Variants in XRRA1 observed in about 807,000 individuals in gnomAD.
XRRA1 encodes the protein X-ray radiation resistance-associated protein 1.
Under a neutral mutation model 80.2 loss-of-function variants are expected in XRRA1, and 69 were observed. That is an observed-to-expected ratio of 0.86 (90% CI 0.71 to 1.05). The LOEUF (loss-of-function observed/expected upper bound fraction) is 1.05, where lower values mean the gene tolerates loss of function less well. Among genes scored for constraint, XRRA1 ranks in the 50% least tolerant of loss-of-function variants. The pLI is 0.00. For synonymous variants in XRRA1, 348 were observed against 389.9 expected, an observed-to-expected ratio of 0.89 and a Z score of 1.27; for missense variants, 967 against 976.4, an observed-to-expected ratio of 0.99 and a Z score of 0.13.
intron 11 of XRRA1, among the ~76,000 whole-genome samples, chr11:74,862,607 G>A (rs1431582590): frequency 2.6e-5 from 4 of 152,202 alleles, no homozygotes; most frequent in Non-Finnish European, 5.9e-5. Flanking sequence ...TCCAGCTTTG[G>A]GGGACTCTTG....
intron 8 of XRRA1, chr11:74,920,007 A>C (rs1217885246): frequency 0.017 from 536 of 32,332 alleles, 7 homozygotes; most frequent in Middle Eastern, 0.15. Flanking sequence ...ATAAAACTGC[A>C]AAAAAAAAAA....
At chr11:74,891,352 A>G (rs2050641689) in intron 10 of XRRA1, among the ~76,000 whole-genome samples, 2 of 152,224 alleles carry the variant, frequency 1.3e-5, no homozygotes, top group Non-Finnish European at 2.9e-5. Context: ...AAAATTCAAC[A>G]GCCCTTCATG....
At chr11:74,910,796 A>C (rs952291355) in intron 8 of XRRA1, 1 of 152,274 alleles carries the variant, frequency 6.6e-6, no homozygotes, top group African/African-American at 2.4e-5. Flanking sequence ...GGATAACAGC[A>C]ATGAGCAGGT....
chr11:74,885,751 C>CACA (rs990766628), intron 10 of XRRA1, among the ~76,000 whole-genome samples: 5 of 151,960 alleles, frequency 3.3e-5, no homozygotes, highest in African/African-American at 7.2e-5. Flanking sequence ...CCACCAGAGA[C>CACA]ACAACAACAA....
chr11:74,898,263 G>A (rs186536500), intron 10 of XRRA1, among the ~76,000 whole-genome samples: 44 of 151,428 alleles, frequency 2.9e-4, no homozygotes, highest in African/African-American at 9.7e-4. Flanking sequence ...AAAAATATAC[G>A]ATGGATACAC....
chr11:74,906,794 A>C (rs1379768077), intron 9 of XRRA1: 2 of 392,156 alleles, frequency 5.1e-6, no homozygotes, highest in East Asian at 9.2e-5. Flanking sequence ...TCTTTACTTC[A>C]GTTAGAATTC....
In XRRA1 at chr11:74,940,793, G is replaced by A. The variant is rs757607526; in HGVS notation, c.86C>T (p.Pro29Leu). Residue 29 changes from proline to leucine, a missense_variant, in exon 3 of 19, where the codon CCG (proline) becomes CTG (leucine). By Grantham distance (98) the Pro-to-Leu change is moderately conservative. Transcript: ENST00000684022. ...TTGAGAAGTCACCTGACCTTCCTCCGGCACGCGAAGCAGATTTCTGGCTGG... is the reference window on the plus strand; with the variant it reads ...TTGAGAAGTCACCTGACCTTCCTCCAGCACGCGAAGCAGATTTCTGGCTGG... Reference protein sequence around the residue: ...CFPARNLLRVPEEGQGHWLVV... With the variant: ...CFPARNLLRVLEEGQGHWLVV... The A allele has an allele frequency of 4.4e-5, 70 of 1,604,562 alleles. No individual in the cohort carries two copies. Among genetic ancestry groups the A allele is most frequent in the Admixed American group, 8.5e-5 (5 of 58,698 alleles).
chr11:74,844,538 G>C (rs2135307866), intron 16 of XRRA1, among the ~76,000 whole-genome samples: 1 of 152,284 alleles, frequency 6.6e-6, no homozygotes, highest in African/African-American at 2.4e-5. Flanking sequence ...GTATTGGAGT[G>C]GGGGAAAAGG....
chr11:74,883,906 A>T (rs1565317331), intron 10 of XRRA1, among the ~76,000 whole-genome samples: 1 of 152,164 alleles, frequency 6.6e-6, no homozygotes, highest in Non-Finnish European at 1.5e-5. Flanking sequence ...ACAAGAAATT[A>T]TTTTTTTCCA....
chr11:74,893,262 T>C (rs1242783449), intron 10 of XRRA1, among the ~76,000 whole-genome samples: 4 of 152,192 alleles, frequency 2.6e-5, no homozygotes, highest in Non-Finnish European at 5.9e-5. Context: ...TGTAGGGACA[T>C]GTATGAAGCT....
At chr11:74,867,565 AT>A (rs1328990430) in intron 10 of XRRA1, among the ~76,000 whole-genome samples, 2 of 152,352 alleles carry the variant, frequency 1.3e-5, no homozygotes, top group East Asian at 3.9e-4. Context: ...TCTGAGAAAT[AT>A]GGGATTATGT....
intron 9 of XRRA1, 60 bp from the exon 10 acceptor site, chr11:74,906,516 C>G (rs1169754529): frequency 6.4e-7 from 1 of 1,559,712 alleles, no homozygotes; most frequent in Non-Finnish European, 8.7e-7. Context: ...GGATTGTTTA[C>G]CAAGCAACTT....
intron 10 of XRRA1, among the ~76,000 whole-genome samples, chr11:74,887,267 A>G (rs2049261631): frequency 6.6e-6 from 1 of 152,252 alleles, no homozygotes. Context: ...GGAAACTATC[A>G]ACAGAGTAAA....
chr11:74,912,292 G>C (rs937613163), intron 8 of XRRA1, among the ~76,000 whole-genome samples: 1 of 152,208 alleles, frequency 6.6e-6, no homozygotes, highest in Non-Finnish European at 1.5e-5. Context: ...TCTGCCTTAA[G>C]ATACCTGGGA....
chr11:74,887,751 G>A (rs923938886), intron 10 of XRRA1, among the ~76,000 whole-genome samples: 2 of 152,108 alleles, frequency 1.3e-5, no homozygotes, highest in Non-Finnish European at 1.5e-5. Flanking sequence ...AACAGTCTTA[G>A]CAAACGGCAC....
chr11:74,939,105 A>G (rs147773655), intron 3 of XRRA1, among the ~76,000 whole-genome samples: 195 of 152,278 alleles, frequency 1.3e-3, no homozygotes, highest in African/African-American at 4.0e-3. Context: ...TAATCCTAGC[A>G]CTTTGGGAGG....
intron 1 of XRRA1, among the ~76,000 whole-genome samples, chr11:74,947,885 C>T (rs1009781037): frequency 1.3e-5 from 2 of 152,102 alleles, no homozygotes; most frequent in Non-Finnish European, 2.9e-5. Context: ...CTACCACGCC[C>T]GGCTCATTTT....
At chr11:74,888,043 A>T (rs773701531) in intron 10 of XRRA1, among the ~76,000 whole-genome samples, 1 of 152,182 alleles carries the variant, frequency 6.6e-6, no homozygotes, top group Non-Finnish European at 1.5e-5. Flanking sequence ...GCAGACTTAA[A>T]TGTCCGTGTC....
chr11:74,879,554 G>A (rs1347388521), intron 10 of XRRA1, among the ~76,000 whole-genome samples: 1 of 152,032 alleles, frequency 6.6e-6, no homozygotes, highest in Non-Finnish European at 1.5e-5. Flanking sequence ...GTTTTCAAAG[G>A]GAATGCTTCC....
Sources: gnomAD v4.1 joint callset for allele counts (sites outside exome capture counted in the v4.1 genomes callset) on GRCh38, gnomAD v4.1.1 for gene constraint, MANE v1.5 for transcripts, NCBI Gene and HGNC (gene_info 2026-07-23, HGNC 2026-07-21) for gene names.